ADGRL2: variants seen among roughly 807,000 people sequenced by gnomAD.
ADGRL2 encodes calcium-independent alpha-latrotoxin receptor 2.
ADGRL2 carries 44 observed loss-of-function variants against 157.4 expected under a neutral mutation model. The observed-to-expected ratio is 0.28, with a 90% CI of 0.22 to 0.36. The LOEUF (loss-of-function observed/expected upper bound fraction) is 0.36. Ranked by LOEUF, ADGRL2 falls within the 10% of genes least tolerant of loss-of-function variation. ADGRL2 has a pLI of 1.00. For synonymous variants in ADGRL2, 585 were observed against 624.7 expected (o/e 0.94, Z 0.95); for missense variants, 1,510 against 1,768.9 (o/e 0.85, Z 2.63).
At chr1:81,556,136 C>T (rs1165686456) in intron 2 of ADGRL2, among the ~76,000 whole-genome samples, 1 of 152,030 alleles carries the variant, frequency 6.6e-6, no homozygotes, top group African/African-American at 2.4e-5. Flanking sequence ...CCAAAAAATA[C>T]TCATTTTGAG....
At chr1:81,822,301 G>A (rs1159140904) in intron 1 of ADGRL2, among the ~76,000 whole-genome samples, 1 of 151,758 alleles carries the variant, frequency 6.6e-6, no homozygotes, top group East Asian at 1.9e-4. Context: ...GTTTTCTCAA[G>A]TTCAGAATAT....
chr1:81,707,347 A>G (rs1332825641), intron 1 of ADGRL2, among the ~76,000 whole-genome samples: 1 of 152,070 alleles, frequency 6.6e-6, no homozygotes, highest in Non-Finnish European at 1.5e-5. Flanking sequence ...CCCACTGTTC[A>G]TGGCCTATTT....
chr1:81,598,525 C>T (rs186649345), intron 3 of ADGRL2, among the ~76,000 whole-genome samples: 1 of 152,268 alleles, frequency 6.6e-6, no homozygotes, highest in East Asian at 1.9e-4. Flanking sequence ...CTTTACATAG[C>T]AAACATGCTA....
At chr1:81,495,616 C>G (rs1284068531) in intron 2 of ADGRL2, among the ~76,000 whole-genome samples, 2 of 152,156 alleles carry the variant, frequency 1.3e-5, no homozygotes, top group Non-Finnish European at 2.9e-5. Context: ...GTGTTTTTCT[C>G]TCTCTTAATT....
At chr1:81,726,093 CT>C (rs1219806515) in intron 1 of ADGRL2, among the ~76,000 whole-genome samples, 1 of 152,204 alleles carries the variant, frequency 6.6e-6, no homozygotes, top group Non-Finnish European at 1.5e-5. Flanking sequence ...GACCTGTTTT[CT>C]CTCTGTTTGT....
At chr1:81,715,283 T>A (rs2084074245) in intron 1 of ADGRL2, among the ~76,000 whole-genome samples, 1 of 152,002 alleles carries the variant, frequency 6.6e-6, no homozygotes, top group African/African-American at 2.4e-5. Context: ...ACAGATGGGT[T>A]TTTCTTTTTT....
chr1:81,373,913 G>T (rs953554547), intron 1 of ADGRL2, among the ~76,000 whole-genome samples: 1 of 152,160 alleles, frequency 6.6e-6, no homozygotes, highest in Non-Finnish European at 1.5e-5. Flanking sequence ...CTGAAGCAAA[G>T]ATTACATTCA....
intron 21 of ADGRL2, among the ~76,000 whole-genome samples, chr1:81,985,853 CAT>C (rs1385221017): frequency 6.6e-6 from 1 of 151,814 alleles, no homozygotes; most frequent in Non-Finnish European, 1.5e-5. Context: ...TATGCACACA[CAT>C]GTATTCTTGA....
At chr1:81,447,355 T>C (rs1305626958) in intron 2 of ADGRL2, among the ~76,000 whole-genome samples, 3 of 152,192 alleles carry the variant, frequency 2.0e-5, no homozygotes, top group Admixed American at 6.5e-5. Flanking sequence ...TGCTTTAGGG[T>C]AATACTTCAG....
At chr1:81,422,199 A>G (rs1327722181) in intron 1 of ADGRL2, among the ~76,000 whole-genome samples, 1 of 151,692 alleles carries the variant, frequency 6.6e-6, no homozygotes, top group Non-Finnish European at 1.5e-5. Context: ...TTTTTTTTTA[A>G]CATAAATTAT....
intron 1 of ADGRL2, among the ~76,000 whole-genome samples, chr1:81,323,718 A>G (rs528417676): frequency 1.3e-5 from 2 of 152,356 alleles, no homozygotes; most frequent in South Asian, 2.1e-4. Context: ...AATAGAGCAT[A>G]TAGTCAAGGA....
chr1:81,802,669 T>C (rs1345036925), intron 1 of ADGRL2, among the ~76,000 whole-genome samples: 1 of 152,010 alleles, frequency 6.6e-6, no homozygotes, highest in Non-Finnish European at 1.5e-5. Context: ...GCGGAGCTTA[T>C]TTGCTCCGGG....
At chr1:81,694,432 T>A (rs2083402682) in intron 3 of ADGRL2, among the ~76,000 whole-genome samples, 1 of 151,946 alleles carries the variant, frequency 6.6e-6, no homozygotes, top group Non-Finnish European at 1.5e-5. Flanking sequence ...TTTAGCACAC[T>A]ATCTGGTACA....
chr1:81,602,328 C>T (rs2081348315), intron 3 of ADGRL2, among the ~76,000 whole-genome samples: 2 of 152,042 alleles, frequency 1.3e-5, no homozygotes, highest in African/African-American at 4.8e-5. Flanking sequence ...GGTGCAGAGG[C>T]TCACGCCTGT....
intron 1 of ADGRL2, among the ~76,000 whole-genome samples, chr1:81,315,029 C>T (rs1660010606): frequency 6.6e-6 from 1 of 152,148 alleles, no homozygotes; most frequent in Non-Finnish European, 1.5e-5. Flanking sequence ...ACTCAGATAC[C>T]TCATTCAGCC....
In ADGRL2 at chr1:81,993,064, T is replaced by TAC. The variant is rs1664829743; in HGVS notation, c.*1920_*1921insCA. On this transcript the variant is annotated 3_prime_UTR_variant, in exon 24 of 24. Coordinates refer to ENST00000686636, the MANE Select transcript of ADGRL2 (RefSeq NM_001366006.2). The stretch of plus-strand genomic sequence containing the variant: ...AGTGCATATATATAATATACATATA[T>TAC]ATATATATATATATATATATATATT... Among the ~76,000 whole-genome samples, 1 of 25,834 alleles carries TAC rather than the reference T, an allele frequency of 3.9e-5. No homozygotes were observed. The highest frequency in any genetic ancestry group is 6.1e-5 in the Non-Finnish European group (1 of 16,274). The allele number at this position is 25,834 out of a possible 152,430, so 16.9% of individuals were successfully genotyped here.
At chr1:81,752,654 G>A (rs1192635907) in intron 1 of ADGRL2, among the ~76,000 whole-genome samples, 5 of 152,128 alleles carry the variant, frequency 3.3e-5, no homozygotes, top group Non-Finnish European at 5.9e-5. Context: ...CTCCTGAGTA[G>A]CTGGTACTAC....
intron 1 of ADGRL2, among the ~76,000 whole-genome samples, chr1:81,815,548 G>T (rs911806489): frequency 6.6e-6 from 1 of 151,650 alleles, no homozygotes; most frequent in Non-Finnish European, 1.5e-5. Flanking sequence ...TTCTATCATT[G>T]TATTCTCTGT....
intron 2 of ADGRL2, among the ~76,000 whole-genome samples, chr1:81,528,670 A>G (rs1359705565): frequency 1.6e-5 from 2 of 128,268 alleles, no homozygotes; most frequent in African/African-American, 2.7e-5. Context: ...AAAAAAAAAA[A>G]AAAAAGAAAA....
Sources: gnomAD v4.1 joint callset for allele counts (sites outside exome capture counted in the v4.1 genomes callset) on GRCh38, gnomAD v4.1.1 for gene constraint, MANE v1.5 for transcripts, NCBI Gene and HGNC (gene_info 2026-07-23, HGNC 2026-07-21) for gene names.